The following SLC6A2 variants were observed in gnomAD, a reference collection of about 807,000 sequenced individuals.
SLC6A2 encodes sodium-dependent noradrenaline transporter.
A neutral mutation model predicts 71.7 loss-of-function variants in SLC6A2; 26 were observed. The ratio of observed to expected loss-of-function variants is 0.36; its 90% CI spans 0.27 to 0.50. The LOEUF (loss-of-function observed/expected upper bound fraction) is 0.50, where lower values mean the gene tolerates loss of function less well. Ranked by LOEUF, SLC6A2 falls within the 20% of genes least tolerant of loss-of-function variation. The pLI is 0.96. For missense variants in SLC6A2, 581 were observed against 803.9 expected (o/e 0.72, Z 3.35); for synonymous variants, 363 against 337.9 (o/e 1.07, Z -0.82).
chr16:55,677,470 A>G (rs1004779838), intron 4 of SLC6A2, among the ~76,000 whole-genome samples: 5 of 152,132 alleles, frequency 3.3e-5, no homozygotes, highest in Admixed American at 2.6e-4. Context: ...CATGGCTAGT[A>G]TGTCGGCCCC....
chr16:55,664,480 T>C (rs532551060), intron 2 of SLC6A2, among the ~76,000 whole-genome samples: 5 of 152,312 alleles, frequency 3.3e-5, no homozygotes, highest in African/African-American at 9.6e-5. Flanking sequence ...CAGCTGGCGT[T>C]CATGCTGTGC....
intron 4 of SLC6A2, among the ~76,000 whole-genome samples, chr16:55,683,319 AT>A (rs547122761): frequency 1.2e-3 from 185 of 152,264 alleles, no homozygotes; most frequent in African/African-American, 4.2e-3. Context: ...TTTCTTACTT[AT>A]AAAAAACCAG....
At chr16:55,681,220 A>G (rs1165033169) in intron 4 of SLC6A2, among the ~76,000 whole-genome samples, 2 of 152,188 alleles carry the variant, frequency 1.3e-5, no homozygotes, top group Non-Finnish European at 2.9e-5. Context: ...ATTATCTGAT[A>G]TTCTGTAACT....
intron 2 of SLC6A2, among the ~76,000 whole-genome samples, chr16:55,667,362 T>C (rs1244953646): frequency 6.6e-6 from 1 of 152,234 alleles, no homozygotes; most frequent in Non-Finnish European, 1.5e-5. Context: ...TTTCTAAGCC[T>C]CAGTTTCCTC....
At chr16:55,697,464 C>A (rs1965834480) in intron 9 of SLC6A2, among the ~76,000 whole-genome samples, 1 of 152,166 alleles carries the variant, frequency 6.6e-6, no homozygotes, top group African/African-American at 2.4e-5. Context: ...AGCCAAAAAT[C>A]CTTATCAAAA....
At chr16:55,680,759 G>T (rs1309738569) in intron 4 of SLC6A2, among the ~76,000 whole-genome samples, 1 of 152,156 alleles carries the variant, frequency 6.6e-6, no homozygotes, top group Non-Finnish European at 1.5e-5. Flanking sequence ...CTGGGATGTG[G>T]ACAGTGGGGG....
intron 4 of SLC6A2, among the ~76,000 whole-genome samples, chr16:55,677,975 T>C (rs771381973): frequency 5.9e-5 from 9 of 152,198 alleles, no homozygotes; most frequent in Non-Finnish European, 1.3e-4. Context: ...GGGCTTATTT[T>C]AGGAGCCTTC....
intron 2 of SLC6A2, among the ~76,000 whole-genome samples, chr16:55,663,332 A>G (rs1567431262): frequency 6.6e-6 from 1 of 152,084 alleles, no homozygotes; most frequent in Non-Finnish European, 1.5e-5. Flanking sequence ...TCCTTTGGAG[A>G]GGGTAAGTGA....
intron 4 of SLC6A2, among the ~76,000 whole-genome samples, chr16:55,679,030 A>G (rs1965185693): frequency 6.6e-6 from 1 of 152,082 alleles, no homozygotes; most frequent in Admixed American, 6.5e-5. Flanking sequence ...TTCAACCATG[A>G]GATTGGACAC....
intron 5 of SLC6A2, among the ~76,000 whole-genome samples, chr16:55,687,582 G>A (rs560909336): frequency 2.0e-4 from 30 of 152,246 alleles, no homozygotes; most frequent in South Asian, 1.0e-3. Context: ...GCCTTTCCTG[G>A]GTACCAGGAG....
chr16:55,697,869 G>T (rs1163156235), intron 9 of SLC6A2, 28 bp from the exon 10 acceptor site: 1 of 1,613,344 alleles, frequency 6.2e-7, no homozygotes, highest in Non-Finnish European at 8.5e-7. Context: ...CCTAATTCCT[G>T]CACCCCACCC....
In SLC6A2 at chr16:55,684,315, A is replaced by AC. The variant is rs1418547565; in HGVS notation, c.645-828_645-827insC. Among the ~76,000 whole-genome samples, 646 of 146,658 alleles carry AC rather than the reference A, an allele frequency of 4.4e-3. 2 individuals carry two copies. Among genetic ancestry groups the AC allele is most frequent in the Middle Eastern group, 0.014 (4 of 284 alleles). The stretch of plus-strand genomic sequence containing the variant: ...GAGCCTGTCTCAAAAAAAAAAAAAA[A>AC]AACAACAACAACAAAACTCCACTTT... On this transcript the variant is annotated intron_variant, in intron 4 of 14. Transcript: ENST00000568943.
intron 12 of SLC6A2, 119 bp from the exon 13 acceptor site, chr16:55,700,020 G>T: frequency 1.2e-6 from 1 of 815,256 alleles, no homozygotes. Context: ...TCCTCCCTTT[G>T]CTGTGATGCT....
chr16:55,667,996 G>A (rs557925804), intron 2 of SLC6A2, among the ~76,000 whole-genome samples: 1 of 152,290 alleles, frequency 6.6e-6, no homozygotes, highest in South Asian at 2.1e-4. Context: ...ATGTCAGAGG[G>A]TTTCTGGGTA....
chr16:55,691,955 T>A lies in SLC6A2; in HGVS notation c.821T>A (p.Leu274Gln). 4 of 1,614,090 alleles carry A rather than the reference T, an allele frequency of 2.5e-6. No individual in the cohort carries two copies. Among genetic ancestry groups the A allele is most frequent in the South Asian group, 1.1e-5 (1 of 91,074 alleles). ...ACAGCCACGCTGCCTTACTTCGTGC[T>A]GTTCGTGCTCCTGGTCCATGGCGTC... ...WITATLPYFV[L>Q]FVLLVHGVTL... Residue 274 changes from leucine to glutamine, a missense_variant, in exon 6 of 15, where the codon CTG becomes CAG. By Grantham distance (113) the Leu-to-Gln change is moderately radical (BLOSUM62 -2). Transcript: ENST00000568943.
Position 55,696,245 on chromosome 16 carries a change from C to T in SLC6A2, c.1168C>T (p.Leu390=), listed in dbSNP as rs527764485. 3.5e-5 allele frequency: 56 copies of T among 1,611,444 alleles called. No individual in the cohort carries two copies. The highest frequency in any genetic ancestry group is 4.5e-5 in the Non-Finnish European group (53 of 1,177,528). Residue 390 remains leucine, a synonymous_variant, in exon 9 of 15, where the codon CTG becomes TTG. Transcript: ENST00000568943. The part of the protein sequence containing the change: ...ATEGAGLVFI[L]YPEAISTLSG... ...TACAGGAGCTGGCCTAGTGTTCATCCTGTATCCAGAGGCCATTTCTACCCT... is the reference window on the plus strand; with the variant it reads ...TACAGGAGCTGGCCTAGTGTTCATCTTGTATCCAGAGGCCATTTCTACCCT...
intron 3 of SLC6A2, 46 bp from the exon 4 acceptor site, chr16:55,671,892 G>A (rs1340191756): frequency 6.2e-7 from 1 of 1,612,976 alleles, no homozygotes; most frequent in Admixed American, 1.7e-5. Context: ...GGTGGCTGTG[G>A]GGCTGGGCCT....
intron 4 of SLC6A2, among the ~76,000 whole-genome samples, chr16:55,676,532 C>T (rs532012412): frequency 9.8e-5 from 15 of 152,302 alleles, no homozygotes; most frequent in South Asian, 8.3e-4. Context: ...CATTTTGCAC[C>T]GTAGGAGCTT....
rs1596935532 is a variant in SLC6A2, at chr16:55,656,786, C to T, written c.92C>T (p.Ala31Val). The T allele has an allele frequency of 1.2e-6, 2 of 1,613,290 alleles. No individual in the cohort carries two copies. The highest frequency in any genetic ancestry group is 1.7e-6 in the Non-Finnish European group (2 of 1,179,782). The change falls in exon 2 of 15, where the codon GCG (alanine) becomes GTG (valine). Residue 31 changes from alanine to valine, a missense_variant. By Grantham distance (64) the Ala-to-Val change is moderately conservative. Around this residue, in one of 5 missense-constraint regions of SLC6A2, gnomAD observed 76 missense variants for 79.9 expected, o/e 0.95. Coordinates refer to ENST00000568943, the MANE Select transcript of SLC6A2 (RefSeq NM_001172501.3). The surrounding 1 kb of genome is among the most constrained non-coding windows in gnomAD (Gnocchi z 4.5). ...CAGCCCCTTCGGGCGCGCAAAACTG[C>T]GGAGCTGCTGGTGGTGAAGGAGCGC... ...PEQPLRARKT[A>V]ELLVVKERNG...
Sources: gnomAD v4.1 joint callset for allele counts (sites outside exome capture counted in the v4.1 genomes callset) on GRCh38, gnomAD v4.1.1 for gene constraint, gnomAD v4.1.1 regional missense constraint, Gnocchi (gnomAD v3.1) non-coding constraint, MANE v1.5 for transcripts, NCBI Gene and HGNC (gene_info 2026-07-23, HGNC 2026-07-21) for gene names.